The following NCAPG2 variants were observed in gnomAD, a reference collection of about 807,000 sequenced individuals.
NCAPG2 encodes non-SMC condensin II complex subunit G2, also known as condensin-2 complex subunit G2.
In NCAPG2, 53 loss-of-function variants were observed where a neutral mutation model predicts 141.1. That is an observed-to-expected ratio of 0.38 (90% CI 0.30 to 0.47). The LOEUF (loss-of-function observed/expected upper bound fraction) is 0.47, where lower values mean the gene tolerates loss of function less well. Ranked by LOEUF, NCAPG2 falls within the 20% of genes least tolerant of loss-of-function variation. NCAPG2 has a pLI of 0.99. For synonymous variants in NCAPG2, 499 were observed against 490.7 expected, an observed-to-expected ratio of 1.02 and a Z score of -0.22; for missense variants, 1,087 against 1,389.0, an observed-to-expected ratio of 0.78 and a Z score of 3.46.
chr7:158,695,509 C>T (rs748809460), intron 2 of NCAPG2, among the ~76,000 whole-genome samples: 23 of 152,184 alleles, frequency 1.5e-4, no homozygotes, highest in Non-Finnish European at 2.6e-4. Flanking sequence ...CAAACTATAG[C>T]AACAAAATGA....
chr7:158,698,504 A>T (rs1835591929), intron 2 of NCAPG2, among the ~76,000 whole-genome samples: 1 of 152,214 alleles, frequency 6.6e-6, no homozygotes, highest in Non-Finnish European at 1.5e-5. Flanking sequence ...CTGTGCCTAC[A>T]GTATTCAGTA....
At chr7:158,647,273 G>A (rs994722485) in intron 24 of NCAPG2, among the ~76,000 whole-genome samples, 2 of 152,174 alleles carry the variant, frequency 1.3e-5, no homozygotes, top group African/African-American at 4.8e-5. Context: ...GCTGTGCTAG[G>A]TGCTGTTGGA....
chr7:158,695,618 G>C (rs1835395329), intron 2 of NCAPG2, among the ~76,000 whole-genome samples: 1 of 152,256 alleles, frequency 6.6e-6, no homozygotes, highest in African/African-American at 2.4e-5. Context: ...GAAGGGCAAG[G>C]AAAGGATGGG....
intron 11 of NCAPG2, among the ~76,000 whole-genome samples, chr7:158,676,131 G>A (rs151187975): frequency 7.8e-4 from 118 of 152,222 alleles, no homozygotes; most frequent in Admixed American, 1.8e-3. Context: ...GGGAGTATTC[G>A]ACATCAACAG....
At chr7:158,684,466 C>A (rs1204532933) in intron 8 of NCAPG2, among the ~76,000 whole-genome samples, 1 of 152,230 alleles carries the variant, frequency 6.6e-6, no homozygotes, top group African/African-American at 2.4e-5. Flanking sequence ...TTTGAGATCA[C>A]TGGAAAAATT....
intron 27 of NCAPG2, chr7:158,640,052 C>CAAAAAAAAAAA (rs58368997): frequency 2.0e-5 from 2 of 98,324 alleles, no homozygotes; most frequent in African/African-American, 7.8e-5. Context: ...GAATAAATGC[C>CAAAAAAAAAAA]AAAAAAAAAA....
intron 27 of NCAPG2, among the ~76,000 whole-genome samples, chr7:158,637,360 G>C (rs974034696): frequency 2.6e-5 from 4 of 152,150 alleles, no homozygotes; most frequent in African/African-American, 9.7e-5. Flanking sequence ...CCACCCACCT[G>C]CTTTAGTGCC....
chr7:158,675,168 T>C (rs1833975801), intron 12 of NCAPG2, among the ~76,000 whole-genome samples: 1 of 152,222 alleles, frequency 6.6e-6, no homozygotes, highest in Non-Finnish European at 1.5e-5. Context: ...AAATATATTA[T>C]ATGTACAAGA....
chr7:158,679,135 C>T (rs1416182094), intron 11 of NCAPG2, among the ~76,000 whole-genome samples: 3 of 152,300 alleles, frequency 2.0e-5, no homozygotes, highest in Admixed American at 1.3e-4. Context: ...GGATTACAGG[C>T]GTAAGCCACT....
chr7:158,693,069 T>C, intron 3 of NCAPG2, 113 bp from the exon 4 acceptor site: 1 of 852,912 alleles, frequency 1.2e-6, no homozygotes, highest in Admixed American at 3.1e-5. Context: ...TTCTAGCTTA[T>C]TCTAAAAAGA....
At chr7:158,634,413 T>C (rs1830060181) in intron 27 of NCAPG2, among the ~76,000 whole-genome samples, 1 of 152,218 alleles carries the variant, frequency 6.6e-6, no homozygotes, top group Non-Finnish European at 1.5e-5. Flanking sequence ...TATACTGTTA[T>C]ATTATATTAG....
intron 11 of NCAPG2, among the ~76,000 whole-genome samples, chr7:158,675,932 T>A (rs1834023484): frequency 6.6e-6 from 1 of 152,124 alleles, no homozygotes; most frequent in Non-Finnish European, 1.5e-5. Context: ...ACCTGCACAC[T>A]CAGCTGACCA....
At chr7:158,698,623 T>C (rs1835599663) in intron 2 of NCAPG2, among the ~76,000 whole-genome samples, 1 of 152,126 alleles carries the variant, frequency 6.6e-6, no homozygotes, top group Admixed American at 6.6e-5. Flanking sequence ...CTTTAGGATG[T>C]TCACACAACA....
At chr7:158,654,215 C>T (rs958025318) in intron 22 of NCAPG2, among the ~76,000 whole-genome samples, 2 of 152,152 alleles carry the variant, frequency 1.3e-5, no homozygotes, top group Non-Finnish European at 1.5e-5. Context: ...GGGGTACCAC[C>T]CAATAATGTC....
chr7:158,667,431 GCCCT>G (rs1833132553), intron 13 of NCAPG2, among the ~76,000 whole-genome samples: 7 of 57,896 alleles, frequency 1.2e-4, no homozygotes, highest in Middle Eastern at 0.013. Context: ...GGGTCCCTCC[GCCCT>G]CCTTACCCAC....
At chr7:158,675,877 T>C (rs1348326428) in intron 11 of NCAPG2, among the ~76,000 whole-genome samples, 2 of 152,044 alleles carry the variant, frequency 1.3e-5, no homozygotes, top group Non-Finnish European at 2.9e-5. Context: ...ATGTGCCACA[T>C]CCCCTGACAG....
intron 17 of NCAPG2, among the ~76,000 whole-genome samples, chr7:158,657,713 C>T (rs1041632385): frequency 1.2e-4 from 18 of 152,120 alleles, no homozygotes; most frequent in East Asian, 3.9e-4. Context: ...AATGGAGAGG[C>T]GGGAAAGGTG....
In NCAPG2 at chr7:158,636,688, C is replaced by G. The variant is rs532601399; in HGVS notation, c.3381-4971G>C. ...AAGTGCTGGGATTACAGGCATAAGCCACTGTGCCCGGCCAACATTATTTCT... is the reference window on the plus strand; with the variant it reads ...AAGTGCTGGGATTACAGGCATAAGCGACTGTGCCCGGCCAACATTATTTCT... On this transcript the variant is annotated intron_variant, in intron 27 of 27. Coordinates refer to ENST00000356309, the MANE Select transcript of NCAPG2 (RefSeq NM_017760.7). Among the ~76,000 whole-genome samples, 14 of 152,258 alleles carry G rather than the reference C, an allele frequency of 9.2e-5. No homozygotes were observed. In the South Asian group the frequency reaches 2.9e-3, roughly 32 times the overall value.
intron 11 of NCAPG2, among the ~76,000 whole-genome samples, chr7:158,677,525 C>CAAAAAAAAAAAAAAAAAAAAAAAACAA: frequency 1.1e-5 from 1 of 90,404 alleles, no homozygotes; most frequent in Non-Finnish European, 2.1e-5. Flanking sequence ...AAAAATAAAG[C>CAAAAAAAAAAAAAAAAAAAAAAAACAA]AAAAAAAAAA....
Sources: allele counts gnomAD v4.1 joint callset (sites outside exome capture counted in the v4.1 genomes callset), GRCh38; gene constraint gnomAD v4.1.1; transcripts MANE v1.5; gene names NCBI Gene and HGNC (gene_info 2026-07-23, HGNC 2026-07-21).